CENPP: variants seen among roughly 807,000 people sequenced by gnomAD.
CENPP encodes centromere protein P.
In CENPP, 24 loss-of-function variants were observed where a neutral mutation model predicts 35.6. That is an observed-to-expected ratio of 0.67 (90% CI 0.49 to 0.95). The LOEUF (loss-of-function observed/expected upper bound fraction) is 0.95. Ranked by LOEUF, CENPP falls within the 40% of genes least tolerant of loss-of-function variation. The pLI is 0.00. For missense variants in CENPP, 332 were observed against 345.3 expected (o/e 0.96, Z 0.31); for synonymous variants, 120 against 125.5 (o/e 0.96, Z 0.29).
At position 92,345,710 on chromosome 9, in the gene CENPP, A is replaced by G. The variant is rs552450259; in HGVS notation, c.390A>G (p.Arg130=). The G allele has an allele frequency of 6.3e-7, 1 of 1,574,810 alleles. No individual in the cohort carries two copies. Among genetic ancestry groups the G allele is most frequent in the African/African-American group, 1.3e-5 (1 of 74,136 alleles). The change falls in exon 4 of 8, where the codon AGA becomes AGG. Residue 130 remains arginine (R), a synonymous_variant. Coordinates refer to ENST00000375587, the MANE Select transcript of CENPP (RefSeq NM_001012267.3). ...TATCTTTATTTTAGAATAAGGAGAG[A>G]TTATCTTCTGCTGTTACTGACCTCA... ...FQILEIQNKE[R]LSSAVTDLNI...
chr9:92,597,640 G>C (rs1008903651), intron 5 of CENPP, among the ~76,000 whole-genome samples: 1 of 152,160 alleles, frequency 6.6e-6, no homozygotes, highest in Admixed American at 6.5e-5. Context: ...ACATTGATAT[G>C]TGTGTGTATA....
At chr9:92,560,098 T>C (rs1849815113) in intron 5 of CENPP, among the ~76,000 whole-genome samples, 1 of 152,136 alleles carries the variant, frequency 6.6e-6, no homozygotes, top group African/African-American at 2.4e-5. Flanking sequence ...GAGCTATGAT[T>C]GTACCATTGC....
rs533903110 is a variant in CENPP, at chr9:92,370,100, A to G, written c.468-9663A>G. On this transcript the variant is annotated intron_variant, in intron 4 of 7. Transcript: ENST00000375587. The stretch of plus-strand genomic sequence containing the variant: ...ATGTTTTTTTCCCTATATCTTGTAG[A>G]TATGATATATTACATTTATTGATTT... Among the ~76,000 whole-genome samples the G allele has an allele frequency of 2.0e-5, 3 of 152,300 alleles. No individual in the cohort carries two copies. In the South Asian group the frequency reaches 6.2e-4, roughly 32 times the overall value.
chr9:92,604,351 T>C (rs1033620464), intron 5 of CENPP, among the ~76,000 whole-genome samples: 8 of 152,246 alleles, frequency 5.3e-5, no homozygotes, highest in Admixed American at 5.2e-4. Context: ...GTCACTAGTT[T>C]GGTTTAAATC....
chr9:92,465,512 T>C (rs141126230), intron 5 of CENPP, among the ~76,000 whole-genome samples: 1 of 152,306 alleles, frequency 6.6e-6, no homozygotes, highest in Admixed American at 6.5e-5. Context: ...CTTGGTTGAA[T>C]TAAATGAATA....
At chr9:92,467,242 G>A (rs1290580120) in intron 5 of CENPP, among the ~76,000 whole-genome samples, 1 of 152,190 alleles carries the variant, frequency 6.6e-6, no homozygotes, top group Non-Finnish European at 1.5e-5. Context: ...CAGTGTGAGT[G>A]TGCTCTCTGC....
intron 5 of CENPP, among the ~76,000 whole-genome samples, chr9:92,386,489 T>A (rs1018480481): frequency 6.6e-6 from 1 of 152,184 alleles, no homozygotes; most frequent in African/African-American, 2.4e-5. Flanking sequence ...ACGTGTAGTG[T>A]ATTTTGATCC....
chr9:92,609,606 G>A (rs998677995), intron 5 of CENPP, among the ~76,000 whole-genome samples: 3 of 152,250 alleles, frequency 2.0e-5, no homozygotes, highest in Non-Finnish European at 2.9e-5. Context: ...AGGACAGAAA[G>A]GAAAGCACGT....
chr9:92,599,792 T>C (rs1850865975), intron 5 of CENPP, among the ~76,000 whole-genome samples: 1 of 152,174 alleles, frequency 6.6e-6, no homozygotes, highest in African/African-American at 2.4e-5. Context: ...ATTAAAAGTA[T>C]GGTGTAGCTC....
intron 5 of CENPP, among the ~76,000 whole-genome samples, chr9:92,588,078 T>A (rs935758104): frequency 6.6e-6 from 1 of 151,966 alleles, no homozygotes; most frequent in Non-Finnish European, 1.5e-5. Flanking sequence ...AGGCGGAGGT[T>A]GCAGTGAGCC....
chr9:92,619,641 G>A lies in CENPP; in HGVS notation c.*6492G>A. ...CCCCACACAACCTTCCTTCCCAGTA[G>A]CCAAGTGTGGGAACTGCTTCCTGCC... On this transcript the variant is annotated 3_prime_UTR_variant, in exon 8 of 8. Transcript: ENST00000375587. 1 of 1,291,280 alleles carries A rather than the reference G, an allele frequency of 7.7e-7. No individual in the cohort carries two copies. The allele number at this position is 1,291,280 out of a possible 1,614,324, so 80.0% of individuals were successfully genotyped here. A position where few individuals can be genotyped will look rare whatever the true frequency, so the allele number is the denominator to read the frequency against.
chr9:92,492,929 C>T (rs140680910), intron 5 of CENPP, among the ~76,000 whole-genome samples: 33 of 152,338 alleles, frequency 2.2e-4, no homozygotes, highest in African/African-American at 7.9e-4. Context: ...AGCTTGTCGA[C>T]TAGCCATTTA....
intron 5 of CENPP, among the ~76,000 whole-genome samples, chr9:92,395,306 T>C (rs1404794550): frequency 1.3e-5 from 2 of 152,206 alleles, no homozygotes; most frequent in Non-Finnish European, 2.9e-5. Context: ...TCTACTTCCT[T>C]TTCTGGCTTC....
rs368634649 is a variant in CENPP, at chr9:92,416,072, T to TATATATATATATATATATATA, written c.564+36213_564+36214insATATATATATATATATATATA. On this transcript the variant is annotated intron_variant, in intron 5 of 7. Transcript: ENST00000375587. ...TATATATGTGTGTATATATATATAT[T>TATATATATATATATATATATA]TATTTATTTATTTATTTATTTATTT... is the stretch of plus-strand genomic sequence containing the variant. Among the ~76,000 whole-genome samples the TATATATATATATATATATATA allele has an allele frequency of 4.9e-4, 62 of 125,316 alleles. 1 individual carries two copies. The highest frequency in any genetic ancestry group is 8.0e-4 in the Non-Finnish European group (48 of 60,228). 82.2% of individuals were successfully genotyped at this position (125,316 alleles called of 152,430 possible). A position where few individuals can be genotyped will look rare whatever the true frequency, so the allele number is the denominator to read the frequency against.
At chr9:92,379,738 A>T (rs1842203053) in intron 4 of CENPP, 25 bp from the exon 5 acceptor site, 16 of 1,467,656 alleles carry the variant, frequency 1.1e-5, no homozygotes, top group Non-Finnish European at 1.5e-5. Context: ...ATATTTATTA[A>T]TCAGAGAATC....
At chr9:92,490,291 G>GT in intron 5 of CENPP, among the ~76,000 whole-genome samples, 1 of 152,268 alleles carries the variant, frequency 6.6e-6, no homozygotes, top group Non-Finnish European at 1.5e-5. Context: ...ACTCATTATT[G>GT]TTTTTTTAAC....
intron 5 of CENPP, chr9:92,610,418 T>C (rs1001403215): frequency 6.6e-6 from 1 of 152,244 alleles, no homozygotes; most frequent in African/African-American, 2.4e-5. Flanking sequence ...GTTTTGAATA[T>C]GTATCATCTG....
At chr9:92,535,002 T>C (rs1362812061) in intron 5 of CENPP, among the ~76,000 whole-genome samples, 2 of 152,194 alleles carry the variant, frequency 1.3e-5, no homozygotes, top group African/African-American at 2.4e-5. Context: ...CATTGCCTGA[T>C]TGAGTGCTTA....
At chr9:92,421,070 A>G (rs1843776441) in intron 5 of CENPP, among the ~76,000 whole-genome samples, 1 of 152,058 alleles carries the variant, frequency 6.6e-6, no homozygotes, top group African/African-American at 2.4e-5. Context: ...TTTCTGAGAC[A>G]GTCTCACTCT....
Sources: allele counts gnomAD v4.1 joint callset (sites outside exome capture counted in the v4.1 genomes callset), GRCh38; gene constraint gnomAD v4.1.1; transcripts MANE v1.5; gene names NCBI Gene and HGNC (gene_info 2026-07-23, HGNC 2026-07-21).